The following EPHA4 variants were observed in gnomAD, a reference collection of about 807,000 sequenced individuals.
The protein encoded by EPHA4 is EPH receptor A4, also known as ephrin type-A receptor 4.
Under a neutral mutation model 108.3 loss-of-function variants are expected in EPHA4, and 19 were observed. That is an observed-to-expected ratio of 0.18 (90% CI 0.12 to 0.26). The LOEUF (loss-of-function observed/expected upper bound fraction) is 0.26, where lower values mean the gene tolerates loss of function less well. EPHA4 is among the 10% of genes least tolerant of loss of function. The pLI, the probability that EPHA4 is intolerant of heterozygous loss-of-function variation, is 1.00. For synonymous variants in EPHA4, 449 were observed against 455.5 expected (o/e 0.99, Z 0.18); for missense variants, 917 against 1,254.0 (o/e 0.73, Z 4.06).
intron 15 of EPHA4, among the ~76,000 whole-genome samples, chr2:221,428,129 A>T (rs749306812): frequency 2.0e-5 from 3 of 152,270 alleles, no homozygotes; most frequent in African/African-American, 7.2e-5. Flanking sequence ...ATTTGTTATT[A>T]GACAAAAGCC....
intron 11 of EPHA4, 112 bp downstream of exon 11, chr2:221,442,717 C>T: frequency 9.1e-7 from 1 of 1,099,576 alleles, no homozygotes. Flanking sequence ...CTGATTTCCT[C>T]CTATTAGCAA....
intron 14 of EPHA4, among the ~76,000 whole-genome samples, chr2:221,430,720 A>G (rs947562568): frequency 6.6e-6 from 1 of 151,942 alleles, no homozygotes; most frequent in African/African-American, 2.4e-5. Flanking sequence ...CTAGACACCA[A>G]CTCTGAATTT....
intron 3 of EPHA4, among the ~76,000 whole-genome samples, chr2:221,544,334 A>T (rs1693922223): frequency 6.6e-6 from 1 of 151,996 alleles, no homozygotes; most frequent in South Asian, 2.1e-4. Context: ...TTATTTATTT[A>T]CTTTTTTTTG....
intron 15 of EPHA4, among the ~76,000 whole-genome samples, chr2:221,429,367 T>C (rs1574554613): frequency 6.6e-6 from 1 of 152,198 alleles, no homozygotes; most frequent in Admixed American, 6.5e-5. Flanking sequence ...GGTGGTCCAA[T>C]CATTTTGGTC....
At chr2:221,504,011 A>C (rs965981585) in intron 3 of EPHA4, among the ~76,000 whole-genome samples, 5 of 152,218 alleles carry the variant, frequency 3.3e-5, no homozygotes, top group Non-Finnish European at 7.3e-5. Flanking sequence ...GAAAACTTTC[A>C]CTATCTCTTT....
Position 221,566,700 on chromosome 2 carries a change from A to C in EPHA4, c.159+2018T>G, listed in dbSNP as rs2106211197. 1.3e-5 allele frequency among the ~76,000 whole-genome samples: 2 copies of C among 151,588 alleles called. 1 individual carries two copies. Among genetic ancestry groups the C allele is most frequent in the Middle Eastern group, 6.8e-3 (2 of 294 alleles). On this transcript the variant is annotated intron_variant, in intron 2 of 17. Coordinates refer to ENST00000281821, the MANE Select transcript of EPHA4 (RefSeq NM_004438.5). ...TATACAGTCAGCTCTGCATAGTTTT[A>C]AATAGACCTCAAGTCAACCAAGATA...
At chr2:221,530,984 T>C (rs1325653346) in intron 3 of EPHA4, among the ~76,000 whole-genome samples, 2 of 152,236 alleles carry the variant, frequency 1.3e-5, no homozygotes, top group East Asian at 3.9e-4. Context: ...GGGAATTAAC[T>C]TATAACAGCT....
chr2:221,504,946 G>T (rs1692586315), intron 3 of EPHA4, among the ~76,000 whole-genome samples: 1 of 152,166 alleles, frequency 6.6e-6, no homozygotes, highest in Non-Finnish European at 1.5e-5. Flanking sequence ...GCAAAAATAT[G>T]ACTTGGGTAT....
chr2:221,438,028 G>T (rs941586904), intron 11 of EPHA4, among the ~76,000 whole-genome samples: 5 of 152,100 alleles, frequency 3.3e-5, no homozygotes, highest in African/African-American at 1.2e-4. Context: ...GAATAAACTT[G>T]CTTTGGTCTG....
intron 11 of EPHA4, 102 bp from the exon 12 acceptor site, chr2:221,437,224 T>G: frequency 1.3e-6 from 1 of 796,214 alleles, no homozygotes; most frequent in Admixed American, 2.2e-5. Flanking sequence ...ACCTGTCTTG[T>G]GTGATCTAAT....
At chr2:221,568,010 C>T (rs142908226) in intron 2 of EPHA4, among the ~76,000 whole-genome samples, 10 of 152,198 alleles carry the variant, frequency 6.6e-5, no homozygotes, top group African/African-American at 1.9e-4. Context: ...AGAATGTGGC[C>T]GTTGACCTAG....
intron 5 of EPHA4, among the ~76,000 whole-genome samples, chr2:221,462,235 G>C (rs939933167): frequency 4.0e-5 from 6 of 151,886 alleles, no homozygotes; most frequent in African/African-American, 1.5e-4. Context: ...CATAAGGCAA[G>C]CACTCCTAAA....
In EPHA4 at chr2:221,424,476, C is replaced by CAA. The variant is rs201109701; in HGVS notation, c.*819+731_*819+732dup. Among the ~76,000 whole-genome samples the CAA allele has an allele frequency of 4.7e-3, 665 of 140,170 alleles. 5 individuals carry two copies. Among genetic ancestry groups the CAA allele is most frequent in the African/African-American group, 0.012 (460 of 38,096 alleles). 92.0% of individuals were successfully genotyped at this position (140,170 alleles called of 152,430 possible). The stretch of plus-strand genomic sequence containing the variant: ...TAAAAGTGATAAAAATGAAATAACT[C>CAA]AAAAAAAAAAAAAGAATGAAAAGTT... On this transcript the variant is annotated intron_variant, in intron 17 of 17. Transcript: ENST00000281821.
At chr2:221,480,183 T>C (rs1691777873) in intron 5 of EPHA4, among the ~76,000 whole-genome samples, 1 of 152,040 alleles carries the variant, frequency 6.6e-6, no homozygotes, top group African/African-American at 2.4e-5. Context: ...TCCCTACGTG[T>C]ACAGGGGGTC....
intron 5 of EPHA4, among the ~76,000 whole-genome samples, chr2:221,474,067 T>A (rs77269165): frequency 6.6e-6 from 1 of 152,210 alleles, no homozygotes; most frequent in South Asian, 2.1e-4. Flanking sequence ...ACATCTTTTT[T>A]AAAAAAATGC....
intron 14 of EPHA4, among the ~76,000 whole-genome samples, chr2:221,430,959 T>C (rs1050120492): frequency 4.6e-5 from 7 of 152,220 alleles, no homozygotes; most frequent in Non-Finnish European, 1.0e-4. Flanking sequence ...TAGTAAGTCA[T>C]AAATAACTCA....
chr2:221,488,768 A>G (rs1443291146), intron 4 of EPHA4, among the ~76,000 whole-genome samples: 2 of 152,154 alleles, frequency 1.3e-5, no homozygotes, highest in African/African-American at 4.8e-5. Flanking sequence ...TCCTTTACCA[A>G]CCATGTGCTC....
intron 1 of EPHA4, among the ~76,000 whole-genome samples, chr2:221,570,123 TA>T (rs1384661442): frequency 6.6e-6 from 1 of 151,516 alleles, no homozygotes. Flanking sequence ...AGACCCAATT[TA>T]CAAAAAAAGG....
intron 3 of EPHA4, among the ~76,000 whole-genome samples, chr2:221,555,729 C>T (rs1399047876): frequency 6.6e-6 from 1 of 152,098 alleles, no homozygotes; most frequent in Non-Finnish European, 1.5e-5. Flanking sequence ...ACAGCTGAGG[C>T]CTTCTTTAAT....
Sources: gnomAD v4.1 joint callset for allele counts (sites outside exome capture counted in the v4.1 genomes callset) on GRCh38, gnomAD v4.1.1 for gene constraint, MANE v1.5 for transcripts, NCBI Gene and HGNC (gene_info 2026-07-23, HGNC 2026-07-21) for gene names.